The following H2BC18 variants were observed in gnomAD, a reference collection of about 807,000 sequenced individuals.
H2BC18 encodes the protein H2B clustered histone 18.
H2BC18 carries 8 observed loss-of-function variants against 6.3 expected under a neutral mutation model. The observed-to-expected ratio is 1.28, with a 90% confidence interval of 0.75 to 2.31. The LOEUF (loss-of-function observed/expected upper bound fraction) is 2.31, where lower values mean the gene tolerates loss of function less well. H2BC18 is among the 30% of genes most tolerant of loss of function. The pLI is 0.00. For synonymous variants in H2BC18, 104 were observed against 78.1 expected (o/e 1.33, Z -1.75); for missense variants, 106 against 174.5 (o/e 0.61, Z 2.21).
intron 1 of H2BC18, chr1:149,790,065 G>A (rs781828294): frequency 1.2e-6 from 2 of 1,613,642 alleles, no homozygotes; most frequent in African/African-American, 2.7e-5. Context: ...GCTATTTCCA[G>A]CTCCAGTGCT....
chr1:149,800,074 G>T (rs1313959818), intron 1 of H2BC18, among the ~76,000 whole-genome samples: 1 of 151,912 alleles, frequency 6.6e-6, no homozygotes, highest in Non-Finnish European at 1.5e-5. Context: ...TCCAAGCTGG[G>T]GTTCCCATGG....
At position 149,812,207 on chromosome 1, in the gene H2BC18, G is replaced by A. The variant is rs782493486; in HGVS notation, c.117C>T (p.Ser39=). Residue 39 remains serine (S), a synonymous_variant, in exon 1 of 1, where the codon TCC becomes TCT. Transcript: ENST00000369167. ...GCTTCAGCACCTTGTACACGTAAAC[G>A]GAGTAGCTCTCCTTGCGGCTGCGCT... ...KRKRSRKESY[S]VYVYKVLKQV... 23 of 1,614,154 alleles carry A rather than the reference G, an allele frequency of 1.4e-5. No individual in the cohort carries two copies. Among genetic ancestry groups the A allele is most frequent in the Non-Finnish European group, 1.7e-5 (20 of 1,180,062 alleles).
At chr1:149,807,515 G>T (rs1292482634), downstream of H2BC18, among the ~76,000 whole-genome samples, 4 of 73,358 alleles carry the variant, frequency 5.5e-5, no homozygotes, top group South Asian at 2.2e-3. Context: ...GCATGGCGGG[G>T]GGGGGGGGGG....
At chr1:149,793,749 T>C (rs2091767120) in intron 1 of H2BC18, among the ~76,000 whole-genome samples, 1 of 151,510 alleles carries the variant, frequency 6.6e-6, no homozygotes, top group African/African-American at 2.4e-5. Flanking sequence ...CCAGGCTGGG[T>C]ATGGAGACCT....
chr1:149,805,538 TTC>T (rs2091909453), intron 1 of H2BC18: 1 of 152,138 alleles, frequency 6.6e-6, no homozygotes, highest in South Asian at 2.1e-4. Flanking sequence ...CAAATCCTCA[TTC>T]TGTGTTGTGC....
At chr1:149,806,720 C>G (rs1311292405) in intron 1 of H2BC18, among the ~76,000 whole-genome samples, 1 of 152,112 alleles carries the variant, frequency 6.6e-6, no homozygotes, top group Non-Finnish European at 1.5e-5. Flanking sequence ...AACTTCTGAG[C>G]AAAAGCTTAC....
Position 149,784,005 on chromosome 1 carries a change from A to G in H2BC18, c.378-745T>C, listed in dbSNP as rs138447715. On this transcript the variant is annotated intron_variant, in intron 1 of 1. Coordinates refer to the H2BC18 transcript ENST00000545683. Reference sequence around the variant, plus strand: ...TTCTTCTTGTAATCTCCAAGTAGACACCACAAAGGCAGTGATCACTTTGCA... The same window carrying G: ...TTCTTCTTGTAATCTCCAAGTAGACGCCACAAAGGCAGTGATCACTTTGCA... The G allele has an allele frequency of 4.8e-3, 7,635 of 1,603,628 alleles. 291 individuals carry two copies. In the African/African-American group the frequency reaches 0.091, roughly 19 times the overall value.
Position 149,812,211 on chromosome 1 carries a change from T to C in H2BC18, c.113A>G (p.Tyr38Cys). The C allele has an allele frequency of 6.2e-7, 1 of 1,614,242 alleles. No homozygotes were observed. Among genetic ancestry groups the C allele is most frequent in the Non-Finnish European group, 8.5e-7 (1 of 1,180,042 alleles). ...CAGCACCTTGTACACGTAAACGGAG[T>C]AGCTCTCCTTGCGGCTGCGCTTGCG... ...KKRKRSRKES[Y>C]SVYVYKVLKQ... The change falls in exon 1 of 1, where the codon TAC becomes TGC. Residue 38 changes from tyrosine (Y) to cysteine (C), a missense_variant. By Grantham distance (194) the Tyr-to-Cys change is radical. Coordinates refer to ENST00000369167, the MANE Select transcript of H2BC18 (RefSeq NM_001024599.5).
At chr1:149,793,387 G>T (rs587710669) in intron 1 of H2BC18, among the ~76,000 whole-genome samples, 8 of 152,080 alleles carry the variant, frequency 5.3e-5, no homozygotes, top group African/African-American at 1.4e-4. Context: ...GGGCAAGAAG[G>T]CTCCAGGCTC....
chr1:149,801,978 A>G (rs1553753408), intron 1 of H2BC18, among the ~76,000 whole-genome samples: 2 of 152,108 alleles, frequency 1.3e-5, no homozygotes, highest in East Asian at 3.9e-4. Flanking sequence ...CATGAAATAA[A>G]CTTCTCTTAG....
chr1:149,789,154 C>T (rs1189477593), intron 1 of H2BC18, among the ~76,000 whole-genome samples: 1 of 151,172 alleles, frequency 6.6e-6, no homozygotes, highest in Non-Finnish European at 1.5e-5. Context: ...CACTAGCAAC[C>T]TTTCTCTGTC....
At chr1:149,797,218 G>T (rs1156655882) in intron 1 of H2BC18, among the ~76,000 whole-genome samples, 1 of 152,080 alleles carries the variant, frequency 6.6e-6, no homozygotes, top group Non-Finnish European at 1.5e-5. Flanking sequence ...TGGCCTTGGT[G>T]CTATTTTTAA....
At chr1:149,795,792 G>C (rs2101451229) in intron 1 of H2BC18, among the ~76,000 whole-genome samples, 1 of 151,560 alleles carries the variant, frequency 6.6e-6, no homozygotes, top group East Asian at 1.9e-4. Context: ...TTTGTTCAGT[G>C]CTCAGCTTTT....
At chr1:149,801,756 C>T (rs2091874150) in intron 1 of H2BC18, among the ~76,000 whole-genome samples, 1 of 151,564 alleles carries the variant, frequency 6.6e-6, no homozygotes, top group Non-Finnish European at 1.5e-5. Context: ...CACATTTCTA[C>T]CCATCAACTC....
chr1:149,787,355 GAGAAA>G (rs2091580042), intron 1 of H2BC18: 2 of 152,184 alleles, frequency 1.3e-5, no homozygotes, highest in South Asian at 2.1e-4. Flanking sequence ...ACTGCCTCTG[GAGAAA>G]AGAAAAGTAG....
chr1:149,801,663 G>C (rs1488997027), intron 1 of H2BC18, among the ~76,000 whole-genome samples: 2 of 149,476 alleles, frequency 1.3e-5, no homozygotes, highest in Non-Finnish European at 3.0e-5. Context: ...GGCATATCCG[G>C]GTGATTTTGG....
chr1:149,785,931 T>C (rs1449365612), intron 1 of H2BC18: 1 of 152,142 alleles, frequency 6.6e-6, no homozygotes, highest in East Asian at 1.9e-4. Flanking sequence ...GGTTTATTTT[T>C]CTCAACATTA....
downstream of H2BC18, among the ~76,000 whole-genome samples, chr1:149,807,729 G>A (rs1359598037): frequency 6.6e-5 from 10 of 151,848 alleles, no homozygotes; most frequent in East Asian, 3.9e-4. Context: ...GCTTGAACCC[G>A]AGAGGCAAAG....
intron 1 of H2BC18, among the ~76,000 whole-genome samples, chr1:149,799,068 A>G (rs2091832269): frequency 1.4e-5 from 2 of 142,490 alleles, no homozygotes; most frequent in East Asian, 4.0e-4. Flanking sequence ...TTAATTTTCT[A>G]GAATCTAAAT....
Sources: gnomAD v4.1 joint callset for allele counts (sites outside exome capture counted in the v4.1 genomes callset) on GRCh38, gnomAD v4.1.1 for gene constraint, MANE v1.5 for transcripts, NCBI Gene and HGNC (gene_info 2026-07-23, HGNC 2026-07-21) for gene names.